Variants in COTL1 observed in about 807,000 individuals in gnomAD.
The protein encoded by COTL1 is coactosin like F-actin binding protein 1.
Under a neutral mutation model 16.5 loss-of-function variants are expected in COTL1, and 15 were observed. That is an observed-to-expected ratio of 0.91 (90% CI 0.61 to 1.40). The LOEUF (loss-of-function observed/expected upper bound fraction) is 1.40. COTL1 is among the 40% of genes most tolerant of loss of function. The pLI is 0.00. For synonymous variants in COTL1, 112 were observed against 85.3 expected (o/e 1.31, Z -1.73); for missense variants, 220 against 201.5 (o/e 1.09, Z -0.56).
chr16:84,586,163 C>T (rs985923805), intron 3 of COTL1, among the ~76,000 whole-genome samples: 1 of 152,170 alleles, frequency 6.6e-6, no homozygotes, highest in African/African-American at 2.4e-5. Flanking sequence ...CTGCCTGACG[C>T]CAACCCCAGA....
intron 3 of COTL1, chr16:84,576,228 G>T (rs975980600): frequency 6.6e-6 from 1 of 152,240 alleles, no homozygotes; most frequent in African/African-American, 2.4e-5. Flanking sequence ...ACAAGTGTAA[G>T]GTCTGCTATT....
intron 3 of COTL1, among the ~76,000 whole-genome samples, chr16:84,586,719 G>C (rs1467125108): frequency 2.0e-5 from 3 of 152,086 alleles, no homozygotes; most frequent in African/African-American, 7.2e-5. Flanking sequence ...GAGTAGCTGG[G>C]ACTACAGGCC....
chr16:84,586,304 A>G (rs1327902959), intron 3 of COTL1, among the ~76,000 whole-genome samples: 1 of 152,216 alleles, frequency 6.6e-6, no homozygotes, highest in African/African-American at 2.4e-5. Flanking sequence ...AACTTACTTG[A>G]GCTTGCAAAC....
chr16:84,607,433 T>C (rs961319418), intron 2 of COTL1, among the ~76,000 whole-genome samples: 11 of 152,192 alleles, frequency 7.2e-5, no homozygotes, highest in African/African-American at 2.4e-4. Flanking sequence ...CAAGCGACTC[T>C]GGCTCTCCAA....
At chr16:84,578,351 T>G (rs942943380) in intron 3 of COTL1, among the ~76,000 whole-genome samples, 2 of 152,220 alleles carry the variant, frequency 1.3e-5, no homozygotes, top group Non-Finnish European at 2.9e-5. Context: ...CCAGGCTGTT[T>G]CCATTTTTCA....
intron 3 of COTL1, among the ~76,000 whole-genome samples, chr16:84,570,915 C>T (rs1361187616): frequency 6.6e-6 from 1 of 151,184 alleles, no homozygotes; most frequent in Non-Finnish European, 1.5e-5. Context: ...CAGGGGAACA[C>T]AGAGAGAATG....
intron 2 of COTL1, among the ~76,000 whole-genome samples, chr16:84,615,479 GGAGAGAACAGTA>G (rs901866582): frequency 2.6e-5 from 4 of 152,186 alleles, no homozygotes; most frequent in Non-Finnish European, 4.4e-5. Context: ...TCTACTTGCT[GGAGAGAACAGTA>G]GCTTCAGAGG....
At chr16:84,581,548 G>A (rs960257626) in intron 3 of COTL1, among the ~76,000 whole-genome samples, 3 of 152,180 alleles carry the variant, frequency 2.0e-5, no homozygotes, top group Admixed American at 2.0e-4. Flanking sequence ...TGTCACCGAG[G>A]CTGCAGTGCA....
intron 1 of COTL1, 106 bp downstream of exon 1, chr16:84,617,732 G>A (rs1044305495): frequency 1.4e-6 from 2 of 1,385,108 alleles, no homozygotes; most frequent in Non-Finnish European, 2.0e-6. Context: ...AGGCGAGGAA[G>A]ACAGCGCGGG....
chr16:84,574,170 T>C (rs1051435649), intron 3 of COTL1, among the ~76,000 whole-genome samples: 1 of 152,128 alleles, frequency 6.6e-6, no homozygotes, highest in Non-Finnish European at 1.5e-5. Context: ...CTCTTCATTA[T>C]GTAGAGGACC....
At chr16:84,585,704 G>C (rs1035901370) in intron 3 of COTL1, among the ~76,000 whole-genome samples, 4 of 152,116 alleles carry the variant, frequency 2.6e-5, no homozygotes, top group Non-Finnish European at 5.9e-5. Flanking sequence ...CATGGTTTTA[G>C]CGGCCGTGGA....
chr16:84,606,018 C>T (rs1353069339), intron 2 of COTL1, among the ~76,000 whole-genome samples: 1 of 152,166 alleles, frequency 6.6e-6, no homozygotes, highest in African/African-American at 2.4e-5. Flanking sequence ...TGAAGAAAAG[C>T]GTGATGACCA....
At position 84,607,751 on chromosome 16, in the gene COTL1, G is replaced by C. The variant is rs572723459; in HGVS notation, c.160+9750C>G. On this transcript the variant is annotated intron_variant, in intron 2 of 3. Coordinates refer to ENST00000262428, the MANE Select transcript of COTL1 (RefSeq NM_021149.5). ...AGCAATCTGACCTGAAGGTTAGAAA[G>C]CCACCCCTAGCCTGGACTGCAAGCT... Among the ~76,000 whole-genome samples the C allele has an allele frequency of 1.9e-4, 29 of 152,210 alleles. No individual in the cohort carries two copies. In the South Asian group the frequency reaches 5.8e-3, roughly 30 times the overall value.
At chr16:84,585,810 T>A (rs1904715971) in intron 3 of COTL1, among the ~76,000 whole-genome samples, 2 of 152,258 alleles carry the variant, frequency 1.3e-5, no homozygotes, top group African/African-American at 4.8e-5. Context: ...CAGCTTCAGA[T>A]AATTAACATT....
In COTL1 at chr16:84,566,907, C is replaced by G. The variant is rs1311323028; in HGVS notation, c.367G>C (p.Asp123His). The G allele has an allele frequency of 6.2e-7, 1 of 1,614,130 alleles. No individual in the cohort carries two copies. The highest frequency in any genetic ancestry group is 1.7e-5 in the Admixed American group (1 of 60,018). Reference sequence around the variant, plus strand: ...TTCTTCAGCTCGCTCTTGATGAAATCTTCCTCCAGCTCCTTCCGATCACTG... The same window carrying G: ...TTCTTCAGCTCGCTCTTGATGAAATGTTCCTCCAGCTCCTTCCGATCACTG... Reference protein sequence around the residue: ...VISDRKELEEDFIKSELKKAG... With the variant: ...VISDRKELEEHFIKSELKKAG... The change falls in exon 4 of 4, where the codon GAT becomes CAT. Residue 123 changes from aspartate (D) to histidine (H), a missense_variant. Asp to His is a moderately conservative substitution (Grantham distance 81). Coordinates refer to ENST00000262428, the MANE Select transcript of COTL1 (RefSeq NM_021149.5).
At chr16:84,592,948 G>A (rs886961692) in intron 2 of COTL1, among the ~76,000 whole-genome samples, 5 of 152,304 alleles carry the variant, frequency 3.3e-5, no homozygotes, top group Admixed American at 6.5e-5. Flanking sequence ...GAAACTGATC[G>A]TCATCACCAC....
At chr16:84,569,952 C>T (rs776021547) in intron 3 of COTL1, among the ~76,000 whole-genome samples, 2 of 152,156 alleles carry the variant, frequency 1.3e-5, no homozygotes, top group African/African-American at 2.4e-5. Flanking sequence ...AAGTTCCAGT[C>T]GGTTAGCTAT....
intron 3 of COTL1, among the ~76,000 whole-genome samples, chr16:84,569,478 C>G (rs139548007): frequency 2.0e-5 from 3 of 152,108 alleles, no homozygotes; most frequent in Admixed American, 6.6e-5. Context: ...GCATTTGGCG[C>G]GCAAAGCCAC....
chr16:84,614,357 A>AG (rs1490015501), intron 2 of COTL1, among the ~76,000 whole-genome samples: 1 of 151,990 alleles, frequency 6.6e-6, no homozygotes, highest in Non-Finnish European at 1.5e-5. Flanking sequence ...CGGGGGTGGG[A>AG]GGGAACTGGC....
Sources: allele counts gnomAD v4.1 joint callset (sites outside exome capture counted in the v4.1 genomes callset), GRCh38; gene constraint gnomAD v4.1.1; transcripts MANE v1.5; gene names NCBI Gene and HGNC (gene_info 2026-07-23, HGNC 2026-07-21).